The following DOCK1 variants were observed in gnomAD, a reference collection of about 807,000 sequenced individuals.
The protein encoded by DOCK1 is dedicator of cytokinesis 1.
Under a neutral mutation model 262.7 loss-of-function variants are expected in DOCK1, and 138 were observed. The ratio of observed to expected loss-of-function variants is 0.53; its 90% confidence interval spans 0.46 to 0.61. The LOEUF (loss-of-function observed/expected upper bound fraction) is 0.61. Ranked by LOEUF, DOCK1 falls within the 20% of genes least tolerant of loss-of-function variation. The probability of loss-of-function intolerance (pLI) is 0.00; values close to 1 mark genes in which losing one functional copy is unlikely to be tolerated. For missense variants in DOCK1, 1,908 were observed against 2,370.7 expected (o/e 0.80, Z 4.05); for synonymous variants, 866 against 867.4 (o/e 1.00, Z 0.03).
chr10:127,445,757 C>T (rs1160013921), intron 50 of DOCK1, among the ~76,000 whole-genome samples: 3 of 152,184 alleles, frequency 2.0e-5, no homozygotes, highest in Non-Finnish European at 4.4e-5. Context: ...GGCCAAATGT[C>T]CATCAACTGA....
rs866079227 is a variant in DOCK1, at chr10:127,175,669, G to A, written c.2847+47905G>A. The A allele has an allele frequency of 4.3e-6, 7 of 1,613,630 alleles. No individual in the cohort carries two copies. In the African/African-American group the frequency reaches 8.0e-5, roughly 18 times the overall value. On this transcript the variant is annotated intron_variant, in intron 27 of 51. Coordinates refer to ENST00000623213, the MANE Select transcript of DOCK1 (RefSeq NM_001290223.2). This position sits in a 1 kb window ranked among gnomAD's most constrained non-coding sequence, Gnocchi z 6.3. ...GTTTTAAACACCCTCCTGAGGGCAG[G>A]TGGAGCGGGCTCCTCGGAGTTTGGC... is the stretch of plus-strand genomic sequence containing the variant.
chr10:127,419,657 C>G lies in DOCK1; in HGVS notation c.4693-9C>G, dbSNP rs757720373. 3 of 1,597,106 alleles carry G rather than the reference C, an allele frequency of 1.9e-6. No individual in the cohort carries two copies. Among genetic ancestry groups the G allele is most frequent in the Non-Finnish European group, 2.6e-6 (3 of 1,171,412 alleles). ...AGGTGCACTGAGCAACTCTCCTTGTCTCCACCAGGCCTTCTTTACAGACCG... is the reference window on the plus strand; with the variant it reads ...AGGTGCACTGAGCAACTCTCCTTGTGTCCACCAGGCCTTCTTTACAGACCG... On this transcript the variant is annotated splice_polypyrimidine_tract_variant and intron_variant, in intron 45 of 51. Coordinates refer to ENST00000623213, the MANE Select transcript of DOCK1 (RefSeq NM_001290223.2).
At chr10:127,293,749 C>T (rs1327203562) in intron 29 of DOCK1, among the ~76,000 whole-genome samples, 1 of 152,208 alleles carries the variant, frequency 6.6e-6, no homozygotes, top group Non-Finnish European at 1.5e-5. Flanking sequence ...AGATACAGCA[C>T]AGGGCCTAAC....
In DOCK1 at chr10:127,447,422, G is replaced by A. The variant is rs752507564; in HGVS notation, c.5442G>A (p.Ala1814=). 2.0e-5 allele frequency: 33 copies of A among 1,612,862 alleles called. No homozygotes were observed. Among genetic ancestry groups the A allele is most frequent in the South Asian group, 1.1e-4 (10 of 90,810 alleles). ...SSLELNGMTG[A]DVADVPPPLP... is the part of the protein sequence containing the mutation. ...TGGAGCTGAACGGCATGACGGGGGC[G>A]GACGTGGCCGATGTCCCACCCCCTC... is the stretch of plus-strand genomic sequence containing the variant. The change falls in exon 51 of 52, where the codon GCG becomes GCA. Residue 1814 remains alanine (A), a synonymous_variant. Transcript: ENST00000623213.
Position 126,995,654 on chromosome 10 carries a change from G to GGAGA in DOCK1, c.474-1092_474-1089dup, listed in dbSNP as rs1480661530. 4.0e-4 allele frequency among the ~76,000 whole-genome samples: 38 copies of GGAGA among 95,200 alleles called. 1 individual carries two copies. The highest frequency in any genetic ancestry group is 9.9e-4 in the African/African-American group (36 of 36,394). 62.5% of individuals were successfully genotyped at this position (95,200 alleles called of 152,430 possible). ...GGAGAGAGAGGGAGAGGGAGACCGT[G>GGAGA]GAGAGGGAGAGGGAGACCGTGGAGA... is the stretch of plus-strand genomic sequence containing the variant. On this transcript the variant is annotated intron_variant, in intron 6 of 51. Coordinates refer to ENST00000623213, the MANE Select transcript of DOCK1 (RefSeq NM_001290223.2). This position sits in a 1 kb window ranked among gnomAD's most constrained non-coding sequence, Gnocchi z 5.8.
chr10:127,277,229 TA>T (rs34895364), intron 29 of DOCK1, among the ~76,000 whole-genome samples: 11,897 of 152,238 alleles, frequency 0.078, 633 homozygotes, highest in East Asian at 0.25. Flanking sequence ...CCTATACAAT[TA>T]TAAACATTAT....
intron 27 of DOCK1, among the ~76,000 whole-genome samples, chr10:127,191,694 C>T (rs571358013): frequency 2.0e-5 from 3 of 152,284 alleles, no homozygotes; most frequent in African/African-American, 7.2e-5. Context: ...AAAGACTGCT[C>T]AATTTCATTA....
intron 27 of DOCK1, among the ~76,000 whole-genome samples, chr10:127,217,642 A>G (rs533721073): frequency 7.2e-5 from 11 of 152,354 alleles, no homozygotes; most frequent in Middle Eastern, 3.4e-3. Flanking sequence ...AAATCTGAGC[A>G]TATTCAAATA....
intron 1 of DOCK1, among the ~76,000 whole-genome samples, chr10:126,945,080 G>A (rs1288374181): frequency 3.3e-5 from 5 of 151,952 alleles, no homozygotes; most frequent in Non-Finnish European, 7.4e-5. Context: ...TTTGTGATCC[G>A]CCTGCCTCGG....
intron 20 of DOCK1, 150 bp from the exon 21 acceptor site, chr10:127,042,914 C>A: frequency 2.5e-6 from 2 of 813,656 alleles, no homozygotes; most frequent in South Asian, 1.9e-5. Flanking sequence ...AATGTCATTT[C>A]TAGGGTAAGA....
intron 12 of DOCK1, among the ~76,000 whole-genome samples, chr10:127,014,482 G>A (rs896227086): frequency 2.0e-5 from 3 of 152,146 alleles, no homozygotes; most frequent in Admixed American, 2.0e-4. Flanking sequence ...TGCGCAGGCC[G>A]GCGTTTCTGA....
intron 31 of DOCK1, chr10:127,344,603 A>G (rs2063553439): frequency 6.6e-6 from 1 of 152,252 alleles, no homozygotes; most frequent in African/African-American, 2.4e-5. Context: ...GATTCCAGAA[A>G]GAGTTTCAGA....
intron 45 of DOCK1, 127 bp from the exon 46 acceptor site, chr10:127,419,539 C>T: frequency 1.2e-6 from 1 of 842,946 alleles, no homozygotes; most frequent in Non-Finnish European, 1.9e-6. Context: ...GACCCTGAGT[C>T]TGCAGTGAGC....
chr10:127,174,011 C>T (rs534086055), intron 27 of DOCK1, among the ~76,000 whole-genome samples: 238 of 152,342 alleles, frequency 1.6e-3, no homozygotes, highest in Non-Finnish European at 2.8e-3. Context: ...TGGAGCTGGG[C>T]CTTTCACCTC....
intron 38 of DOCK1, among the ~76,000 whole-genome samples, chr10:127,393,585 C>G (rs1008009341): frequency 6.6e-6 from 1 of 152,000 alleles, no homozygotes; most frequent in Admixed American, 6.6e-5. Context: ...GGAGAGTGGG[C>G]GGGGGCAGGG....
chr10:126,908,399 G>C (rs2133991896), intron 1 of DOCK1, among the ~76,000 whole-genome samples: 1 of 152,322 alleles, frequency 6.6e-6, no homozygotes, highest in South Asian at 2.1e-4. Flanking sequence ...GAGGCGCTCT[G>C]GTGGCTCTGT....
At chr10:127,198,334 T>C (rs1000323015) in intron 27 of DOCK1, among the ~76,000 whole-genome samples, 1 of 152,226 alleles carries the variant, frequency 6.6e-6, no homozygotes, top group Non-Finnish European at 1.5e-5. Flanking sequence ...CTTACTTTAT[T>C]GGCAATCCAT....
At chr10:127,056,454 C>A (rs2135775128) in intron 22 of DOCK1, among the ~76,000 whole-genome samples, 1 of 152,252 alleles carries the variant, frequency 6.6e-6, no homozygotes, top group Non-Finnish European at 1.5e-5. Context: ...CTGTGGCCTC[C>A]CAAAGTGCCA....
At chr10:126,912,818 C>A (rs1003562288) in intron 1 of DOCK1, among the ~76,000 whole-genome samples, 1 of 151,932 alleles carries the variant, frequency 6.6e-6, no homozygotes, top group Non-Finnish European at 1.5e-5. Context: ...TTAGTCACCT[C>A]TTTAAATTCC....
Sources: allele counts gnomAD v4.1 joint callset (sites outside exome capture counted in the v4.1 genomes callset), GRCh38; gene constraint gnomAD v4.1.1; non-coding constraint Gnocchi (gnomAD v3.1); transcripts MANE v1.5; gene names NCBI Gene and HGNC (gene_info 2026-07-23, HGNC 2026-07-21).